TFB1M: variants seen among roughly 807,000 people sequenced by gnomAD.
TFB1M encodes the protein dimethyladenosine transferase 1, mitochondrial.
In TFB1M, 27 loss-of-function variants were observed where a neutral mutation model predicts 31.1. That is an observed-to-expected ratio of 0.87 (90% CI 0.64 to 1.20). The LOEUF (loss-of-function observed/expected upper bound fraction) is 1.20. Ranked by LOEUF, TFB1M falls within the 50% of genes most tolerant of loss-of-function variation. The probability of loss-of-function intolerance (pLI) is 0.00; values close to 1 mark genes in which losing one functional copy is unlikely to be tolerated. For missense variants in TFB1M, 394 were observed against 418.7 expected, an observed-to-expected ratio of 0.94 and a Z score of 0.51; for synonymous variants, 166 against 151.8, an observed-to-expected ratio of 1.09 and a Z score of -0.69.
chr6:155,288,648 T>C (rs1288957926), intron 4 of TFB1M, among the ~76,000 whole-genome samples: 8 of 152,236 alleles, frequency 5.3e-5, no homozygotes, highest in Non-Finnish European at 5.9e-5. Context: ...TCCATTAACC[T>C]GACCCATTCA....
At chr6:155,297,533 C>A (rs1397648604) in intron 3 of TFB1M, among the ~76,000 whole-genome samples, 1 of 152,008 alleles carries the variant, frequency 6.6e-6, no homozygotes, top group Non-Finnish European at 1.5e-5. Flanking sequence ...GTAAGTGAAA[C>A]CATAGGAATG....
intron 2 of TFB1M, among the ~76,000 whole-genome samples, chr6:155,307,887 C>T (rs1342309643): frequency 6.7e-6 from 1 of 148,468 alleles, no homozygotes; most frequent in Non-Finnish European, 1.5e-5. Flanking sequence ...GTGTGTTGCA[C>T]AGGTTTGCTC....
At chr6:155,285,936 T>C (rs1186044954) in intron 4 of TFB1M, among the ~76,000 whole-genome samples, 1 of 152,112 alleles carries the variant, frequency 6.6e-6, no homozygotes, top group African/African-American at 2.4e-5. Context: ...GTATTATATA[T>C]ATATTTAAAT....
In TFB1M at chr6:155,285,279, TAG is replaced by T; in HGVS notation, c.547-4_547-3del. On this transcript the variant is annotated splice_polypyrimidine_tract_variant and splice_region_variant and intron_variant, in intron 4 of 6. Transcript: ENST00000367166. ...GCTTCCTGTATTGGCTGCAAGTCTC[TAG>T]AGAGAGACAAAAATGAATTTTAGCA... 1.2e-6 allele frequency: 2 copies of T among 1,613,744 alleles called. No homozygotes were observed. Among genetic ancestry groups the T allele is most frequent in the South Asian group, 1.1e-5 (1 of 91,072 alleles).
intron 5 of TFB1M, chr6:155,276,678 G>A: frequency 4.0e-6 from 1 of 251,766 alleles, no homozygotes; most frequent in Non-Finnish European, 7.5e-6. Flanking sequence ...ATAATTTGCT[G>A]ATACACCTTT....
At chr6:155,248,189 C>T in the TFB1M span, 35 of 1,611,108 alleles carry the variant, frequency 2.2e-5, no homozygotes, top group African/African-American at 1.9e-4. Flanking sequence ...GGTGAGGCGG[C>T]GGCGGCACCT....
At position 155,269,050 on chromosome 6, in the gene TFB1M, CCA is replaced by C. The variant is rs370392103; in HGVS notation, c.667-8652_667-8651del. 4.1e-4 allele frequency among the ~76,000 whole-genome samples: 61 copies of C among 149,856 alleles called. 1 individual carries two copies. The South Asian group carries it at 0.011, about 27-fold the overall frequency. On this transcript the variant is annotated intron_variant, in intron 5 of 6. Transcript: ENST00000367166. ...GAAAGATGGACTGCAATCACTCAAC[CCA>C]CAGTGGACTTTGCAGGACTGAGAAG...
At chr6:155,254,311 G>A, downstream of TFB1M, 2 of 1,450,200 alleles carry the variant, frequency 1.4e-6, no homozygotes, top group Non-Finnish European at 1.9e-6. Context: ...GTGGCTGGCT[G>A]GCAGCCTGGT....
At chr6:155,282,953 T>C (rs1242847471) in intron 5 of TFB1M, among the ~76,000 whole-genome samples, 2 of 152,070 alleles carry the variant, frequency 1.3e-5, no homozygotes, top group African/African-American at 2.4e-5. Flanking sequence ...GGTCTCGATC[T>C]CCTGACCTCG....
downstream of TFB1M, chr6:155,253,372 A>G (rs557553697): frequency 2.4e-5 from 7 of 292,822 alleles, 1 homozygote; most frequent in East Asian, 5.0e-4. Flanking sequence ...TTATGTTTTT[A>G]CAAATTTAGA....
At chr6:155,310,871 G>A in intron 2 of TFB1M, 1 of 285,562 alleles carries the variant, frequency 3.5e-6, no homozygotes, top group South Asian at 4.9e-5. Flanking sequence ...ATTTTTGAAG[G>A]AATGGGCCAC....
At chr6:155,255,408 T>C (rs532518980), downstream of TFB1M, 3 of 152,326 alleles carry the variant, frequency 2.0e-5, no homozygotes, top group African/African-American at 7.2e-5. Context: ...TTAACTATTT[T>C]GTTATTATCT....
intron 5 of TFB1M, among the ~76,000 whole-genome samples, chr6:155,281,823 A>T (rs945465840): frequency 9.1e-5 from 7 of 76,756 alleles, no homozygotes; most frequent in Admixed American, 4.1e-4. Context: ...ATAATTCATA[A>T]AAAAAAAGAC....
intron 4 of TFB1M, 148 bp from the exon 5 acceptor site, chr6:155,285,425 C>T: frequency 1.2e-6 from 1 of 837,256 alleles, no homozygotes. Context: ...TGACACACAG[C>T]AAACATGGGG....
chr6:155,252,581 G>A (rs1368731945), downstream of TFB1M, among the ~76,000 whole-genome samples: 2 of 152,188 alleles, frequency 1.3e-5, no homozygotes, highest in African/African-American at 2.4e-5. Context: ...AACATAGTCT[G>A]TGAAACTTTG....
chr6:155,253,829 C>A (rs113081754), downstream of TFB1M: 6 of 608,654 alleles, frequency 9.9e-6, no homozygotes, highest in African/African-American at 1.1e-4. Flanking sequence ...GAAAATCATA[C>A]ATAGAACAAG....
chr6:155,236,934 C>G, the TFB1M span, among the ~76,000 whole-genome samples: 2 of 152,246 alleles, frequency 1.3e-5, no homozygotes, highest in Admixed American at 1.3e-4. Flanking sequence ...TGGCCCCTCC[C>G]AAATCTCATA....
chr6:155,305,096 A>G (rs920908299), intron 2 of TFB1M, among the ~76,000 whole-genome samples: 1 of 130,212 alleles, frequency 7.7e-6, no homozygotes, highest in Non-Finnish European at 1.6e-5. Flanking sequence ...ATAATTTTAT[A>G]TTATTTATAT....
chr6:155,273,317 T>G (rs775536078), intron 5 of TFB1M, among the ~76,000 whole-genome samples: 6 of 152,230 alleles, frequency 3.9e-5, no homozygotes, highest in African/African-American at 1.4e-4. Flanking sequence ...GAAATCCTTT[T>G]CTAAAATGGT....
Sources: allele counts gnomAD v4.1 joint callset (sites outside exome capture counted in the v4.1 genomes callset), GRCh38; gene constraint gnomAD v4.1.1; transcripts MANE v1.5; gene names NCBI Gene and HGNC (gene_info 2026-07-23, HGNC 2026-07-21).